Variants in GGCX observed in about 807,000 individuals in gnomAD.
GGCX encodes gamma-glutamyl carboxylase.
Under a neutral mutation model 88.5 loss-of-function variants are expected in GGCX, and 63 were observed. The observed-to-expected ratio is 0.71, with a 90% CI of 0.58 to 0.88. GGCX has a LOEUF of 0.88. Ranked by LOEUF, GGCX falls within the 40% of genes least tolerant of loss-of-function variation. The pLI is 0.00. For missense variants in GGCX, 805 were observed against 932.9 expected (o/e 0.86, Z 1.79); for synonymous variants, 368 against 365.8 (o/e 1.01, Z -0.07).
intron 6 of GGCX, 37 bp from the exon 7 acceptor site, chr2:85,554,343 C>G (rs113894434): frequency 6.3e-7 from 1 of 1,599,752 alleles, no homozygotes; most frequent in African/African-American, 1.3e-5. Flanking sequence ...CACCAGCCCA[C>G]TGGAGAACAC....
chr2:85,553,630 TTCTC>T, intron 7 of GGCX, 133 bp from the exon 8 acceptor site: 1 of 863,390 alleles, frequency 1.2e-6, no homozygotes, highest in East Asian at 2.6e-5. Context: ...GAGACAGTCT[TTCTC>T]TGTCGCCCAG....
At position 85,551,064 on chromosome 2, in the gene GGCX, A is replaced by G. The variant is rs1175797257; in HGVS notation, c.1749T>C (p.Ala583=). The G allele has an allele frequency of 6.2e-7, 1 of 1,613,998 alleles. No homozygotes were observed. Among genetic ancestry groups the G allele is most frequent in the Admixed American group, 1.7e-5 (1 of 60,028 alleles). ...TCGTATACACCTTATGGTACTCACC[A>G]GCAGGCAACTGACAAGGGAGAAGAA... The part of the protein sequence containing the change: ...LREGEKMQLP[A]GEYHKVYTTS... The change falls in exon 13 of 15, where the codon GCT becomes GCC. Residue 583 remains alanine (A), a synonymous_variant. Coordinates refer to ENST00000233838, the MANE Select transcript of GGCX (RefSeq NM_000821.7).
rs1691772110 is a variant in GGCX, at chr2:85,548,362, T to A, written c.*1572A>T. 6.6e-6 allele frequency: 1 copy of A among 152,036 alleles called. No individual in the cohort carries two copies. Among genetic ancestry groups the A allele is most frequent in the African/African-American group, 2.4e-5 (1 of 41,370 alleles). 9.4% of individuals were successfully genotyped at this position (152,036 alleles called of 1,614,324 possible). ...ATAATAAAGAATAAGGAAGTCTGAG[T>A]TGGGGATGAATGTAAGTTCTGTTTA... On this transcript the variant is annotated 3_prime_UTR_variant, in exon 15 of 15. Coordinates refer to ENST00000233838, the MANE Select transcript of GGCX (RefSeq NM_000821.7).
chr2:85,552,454 A>G lies in GGCX; in HGVS notation c.1401T>C (p.Phe467=). Residue 467 remains phenylalanine, a synonymous_variant, in exon 10 of 15, where the codon TTT becomes TTC. Coordinates refer to ENST00000233838, the MANE Select transcript of GGCX (RefSeq NM_000821.7). ...KYNVTEPQIY[F]DIWVSINDRF... ...GGTCATTGATGGAGACCCAAATATC[A>G]AAGTAGATCTGGGGCTCAGTGACAT... is the stretch of plus-strand genomic sequence containing the variant. 1 of 1,613,798 alleles carries G rather than the reference A, an allele frequency of 6.2e-7. No homozygotes were observed. The highest frequency in any genetic ancestry group is 2.2e-5 in the East Asian group (1 of 44,878).
Position 85,558,604 on chromosome 2 carries a change from C to T in GGCX, c.375G>A (p.Gly125=), listed in dbSNP as rs1359084756. 6.2e-7 allele frequency: 1 copy of T among 1,611,958 alleles called. No individual in the cohort carries two copies. Among genetic ancestry groups the T allele is most frequent in the Admixed American group, 1.7e-5 (1 of 60,016 alleles). ...ACAGGCCCAGCATCATGCCCAGTGC[C>T]CCTGGGATTTGTAGGGAGAGGATTA... ...MYLVYTIMFL[G]ALGMMLGLCY... Residue 125 remains glycine, a splice_region_variant and synonymous_variant, in exon 4 of 15, where the codon GGG becomes GGA. Transcript: ENST00000233838.
chr2:85,555,183 ATC>A, intron 6 of GGCX: 2 of 349,314 alleles, frequency 5.7e-6, no homozygotes, highest in South Asian at 5.0e-5. Context: ...CACAGGCACC[ATC>A]CAAGGCAGCT....
In GGCX at chr2:85,549,669, G is replaced by A. The variant is rs890680499; in HGVS notation, c.*265C>T. ...AGCCACGGCACCCAGCCCCCAAAAA[G>A]CCACTTTAAACCTTATCCTAGGAGG... is the stretch of plus-strand genomic sequence containing the variant. On this transcript the variant is annotated 3_prime_UTR_variant, in exon 15 of 15. Transcript: ENST00000233838. 5.7e-5 allele frequency: 25 copies of A among 439,726 alleles called. No homozygotes were observed. Among genetic ancestry groups the A allele is most frequent in the African/African-American group, 1.0e-4 (5 of 49,868 alleles). 27.2% of individuals were successfully genotyped at this position (439,726 alleles called of 1,614,324 possible).
In GGCX at chr2:85,561,368, G is replaced by A. The variant is rs1164581667; in HGVS notation, c.43+18C>T. ...GCTCCTAGGAACTCTCCGCCGGAGG[G>A]CGGGGTCCTAAGCCTACCTGAGCTG... On this transcript the variant is annotated intron_variant, in intron 1 of 14. Transcript: ENST00000233838. 3 of 1,534,376 alleles carry A rather than the reference G, an allele frequency of 2.0e-6. No homozygotes were observed. The highest frequency in any genetic ancestry group is 2.4e-5 in the South Asian group (2 of 84,398).
At chr2:85,551,182 C>A in intron 12 of GGCX, 110 bp from the exon 13 acceptor site, 4 of 1,109,052 alleles carry the variant, frequency 3.6e-6, no homozygotes, top group Non-Finnish European at 5.4e-6. Flanking sequence ...GTTTTGGAAT[C>A]GAAAGTAACG....
rs1573315766 is a variant in GGCX, at chr2:85,548,888, C to G, written c.*1046G>C. 1 of 152,170 alleles carries G rather than the reference C, an allele frequency of 6.6e-6. No individual in the cohort carries two copies. The highest frequency in any genetic ancestry group is 2.1e-4 in the South Asian group (1 of 4,830). 9.4% of individuals were successfully genotyped at this position (152,170 alleles called of 1,614,324 possible). A position where few individuals can be genotyped will look rare whatever the true frequency, so the allele number is the denominator to read the frequency against. On this transcript the variant is annotated 3_prime_UTR_variant, in exon 15 of 15. Coordinates refer to ENST00000233838, the MANE Select transcript of GGCX (RefSeq NM_000821.7). ...CCAAAGGCTAGAATAATACCAAATA[C>G]TAAGCTTATTTTTAGAGAAAATCTA...
chr2:85,559,959 G>A (rs964967808), intron 2 of GGCX, among the ~76,000 whole-genome samples: 5 of 152,166 alleles, frequency 3.3e-5, no homozygotes, highest in African/African-American at 1.2e-4. Context: ...ACATTTAGGA[G>A]CACTCCCTGA....
At position 85,558,618 on chromosome 2, in the gene GGCX, G is replaced by A. The variant is rs1362336610; in HGVS notation, c.374-13C>T. On this transcript the variant is annotated splice_polypyrimidine_tract_variant and intron_variant, in intron 3 of 14. Coordinates refer to ENST00000233838, the MANE Select transcript of GGCX (RefSeq NM_000821.7). ...ATGCCCAGTGCCCCTGGGATTTGTA[G>A]GGAGAGGATTAAGAGGTCAAGAGAT... 25 of 1,608,900 alleles carry A rather than the reference G, an allele frequency of 1.6e-5. No homozygotes were observed. Among genetic ancestry groups the A allele is most frequent in the Non-Finnish European group, 2.1e-5 (25 of 1,175,268 alleles).
Position 85,550,010 on chromosome 2 carries a change from A to G in GGCX, c.2201T>C (p.Leu734Pro). Reference protein sequence around the residue: ...NLRPFEAVGELNPSNTDSSHS... With the variant: ...NLRPFEAVGEPNPSNTDSSHS... ...TGAAGAATCCGTGTTTGAGGGATTCAGTTCTCCAACTGCCTCAAAGGGTCT... is the reference window on the plus strand; with the variant it reads ...TGAAGAATCCGTGTTTGAGGGATTCGGTTCTCCAACTGCCTCAAAGGGTCT... Residue 734 changes from leucine to proline, a missense_variant, in exon 15 of 15, where the codon CTG becomes CCG. Around this residue, in one of 3 missense-constraint regions of GGCX, gnomAD observed 680 missense variants for 763.7 expected, o/e 0.89. Coordinates refer to ENST00000233838, the MANE Select transcript of GGCX (RefSeq NM_000821.7). 1 of 1,612,554 alleles carries G rather than the reference A, an allele frequency of 6.2e-7. No individual in the cohort carries two copies. The highest frequency in any genetic ancestry group is 8.5e-7 in the Non-Finnish European group (1 of 1,178,640).
intron 5 of GGCX, 73 bp from the exon 6 acceptor site, chr2:85,555,663 A>G: frequency 1.2e-6 from 1 of 861,790 alleles, no homozygotes; most frequent in Non-Finnish European, 2.0e-6. Context: ...TAAAATAAGG[A>G]GCATATAGTT....
At chr2:85,561,131 C>T in intron 1 of GGCX, 146 bp from the exon 2 acceptor site, 1 of 767,766 alleles carries the variant, frequency 1.3e-6, no homozygotes, top group East Asian at 2.5e-5. Flanking sequence ...AGGAAACATC[C>T]CTGCAGTGCA....
intron 1 of GGCX, 97 bp downstream of exon 1, chr2:85,561,289 C>G (rs1427115891): frequency 1.1e-4 from 68 of 623,426 alleles, no homozygotes; most frequent in Non-Finnish European, 1.6e-4. Flanking sequence ...ACCCCCCCCC[C>G]GCCTCACCGG....
Position 85,554,263 on chromosome 2 carries a change from A to G in GGCX, c.769T>C (p.Trp257Arg). ...GAGAGGTCAAGCAGCAGCCCACCCC[A>G]GTGCACGACCAGCAGGCTAGTCAGC... ...EELTSLLVVH[W>R]GGLLLDLSAG... The change falls in exon 7 of 15, where the codon TGG (tryptophan) becomes CGG (arginine). Residue 257 changes from tryptophan to arginine, a missense_variant. Transcript: ENST00000233838. The G allele has an allele frequency of 1.9e-6, 3 of 1,614,034 alleles. No individual in the cohort carries two copies. Among genetic ancestry groups the G allele is most frequent in the Non-Finnish European group, 2.5e-6 (3 of 1,179,886 alleles).
At chr2:85,560,109 T>C (rs1692366281) in intron 2 of GGCX, among the ~76,000 whole-genome samples, 1 of 152,112 alleles carries the variant, frequency 6.6e-6, no homozygotes, top group African/African-American at 2.4e-5. Flanking sequence ...GGGACTAATA[T>C]CTCTGCACAT....
At chr2:85,551,640 C>A (rs1275396078) in intron 11 of GGCX, 30 bp from the exon 12 acceptor site, 1 of 1,612,170 alleles carries the variant, frequency 6.2e-7, no homozygotes, top group South Asian at 1.1e-5. Flanking sequence ...CATCATCCCA[C>A]CCCATGGCAG....
Sources: gnomAD v4.1 joint callset for allele counts (sites outside exome capture counted in the v4.1 genomes callset) on GRCh38, gnomAD v4.1.1 for gene constraint, gnomAD v4.1.1 regional missense constraint, MANE v1.5 for transcripts, NCBI Gene and HGNC (gene_info 2026-07-23, HGNC 2026-07-21) for gene names.